TRPC5OS: variants seen among roughly 807,000 people sequenced by gnomAD.
TRPC5OS encodes the protein putative uncharacterized protein TRPC5OS.
For missense variants in TRPC5OS, 64 were observed against 79.3 expected (o/e 0.81, Z 0.73); for synonymous variants, 30 against 29.3 (o/e 1.02, Z -0.08).
intron 1 of TRPC5OS, among the ~76,000 whole-genome samples, chrX:111,887,475 G>A (rs1321993212): frequency 2.7e-5 from 3 of 112,093 alleles, no homozygotes; most frequent in Admixed American, 9.4e-5. Flanking sequence ...GAATCTGGAA[G>A]GTCTTTCCTC....
intron 1 of TRPC5OS, among the ~76,000 whole-genome samples, chrX:111,878,572 T>C (rs996502983): frequency 8.9e-6 from 1 of 111,873 alleles, no homozygotes; most frequent in African/African-American, 3.3e-5. Flanking sequence ...TGGAGACTGT[T>C]CTGTGTACTG....
At chrX:111,893,933 G>A (rs1924934463) in intron 1 of TRPC5OS, among the ~76,000 whole-genome samples, 1 of 111,711 alleles carries the variant, frequency 9.0e-6, no homozygotes. Flanking sequence ...GTGAACATTT[G>A]CCCTTTGTGG....
At chrX:111,876,441 G>A (rs190636804) in intron 1 of TRPC5OS, among the ~76,000 whole-genome samples, 168 bp downstream of exon 1, 5 of 111,478 alleles carry the variant, frequency 4.5e-5, no homozygotes, top group Admixed American at 9.5e-5. Context: ...TGGGCACGCC[G>A]TACCCCTTAT....
At chrX:111,885,544 T>C (rs1438349394) in intron 1 of TRPC5OS, among the ~76,000 whole-genome samples, 4 of 97,201 alleles carry the variant, frequency 4.1e-5, no homozygotes, top group Non-Finnish European at 8.8e-5. Flanking sequence ...ATCAAAGGGT[T>C]TTTTTTTTTT....
intron 3 of TRPC5OS, among the ~76,000 whole-genome samples, chrX:111,897,793 C>T (rs1925139940): frequency 9.0e-6 from 1 of 111,048 alleles, no homozygotes; most frequent in Non-Finnish European, 1.9e-5. Context: ...TTGATAGTTA[C>T]CTGAGCTCTT....
At chrX:111,888,722 A>G (rs184387863) in intron 1 of TRPC5OS, among the ~76,000 whole-genome samples, 6,335 of 98,372 alleles carry the variant, frequency 0.064, 976 homozygotes, top group African/African-American at 0.25. Context: ...AAAAAAAAGA[A>G]AGAAAAGAAA....
At chrX:111,888,911 T>C (rs1430532020) in intron 1 of TRPC5OS, among the ~76,000 whole-genome samples, 1 of 110,957 alleles carries the variant, frequency 9.0e-6, no homozygotes, top group Admixed American at 9.6e-5. Context: ...GTGGATTTTT[T>C]GGCCTGAGTA....
chrX:111,891,636 G>A (rs1297830483), intron 1 of TRPC5OS, among the ~76,000 whole-genome samples: 1 of 111,562 alleles, frequency 9.0e-6, no homozygotes, highest in Non-Finnish European at 1.9e-5. Flanking sequence ...CGCCTCCCGG[G>A]TTCAAGCGAT....
chrX:111,896,802 T>C, intron 3 of TRPC5OS, among the ~76,000 whole-genome samples: 1 of 112,079 alleles, frequency 8.9e-6, no homozygotes, highest in Non-Finnish European at 1.9e-5. Flanking sequence ...TGGGCTGACA[T>C]CCAGCTCTGC....
chrX:111,881,486 T>G (rs1338307178), intron 1 of TRPC5OS, among the ~76,000 whole-genome samples: 3 of 111,754 alleles, frequency 2.7e-5, no homozygotes, highest in Admixed American at 9.6e-5. Flanking sequence ...CGCTATGTTT[T>G]CAGTTTGTTA....
intron 1 of TRPC5OS, among the ~76,000 whole-genome samples, chrX:111,894,111 T>C (rs1222219963): frequency 1.8e-5 from 2 of 111,635 alleles, no homozygotes; most frequent in Non-Finnish European, 3.8e-5. Context: ...TAAATAGGAA[T>C]CTGGCACCCA....
At chrX:111,877,720 A>T (rs1201030227) in intron 1 of TRPC5OS, among the ~76,000 whole-genome samples, 1 of 111,467 alleles carries the variant, frequency 9.0e-6, no homozygotes, top group African/African-American at 3.3e-5. Flanking sequence ...GAGAAGGGAC[A>T]TAAATGAATG....
intron 1 of TRPC5OS, chrX:111,882,011 G>GGTAA (rs1377957472): frequency 9.1e-6 from 1 of 110,265 alleles, no homozygotes; most frequent in Non-Finnish European, 1.9e-5. Flanking sequence ...GTTGCAGTGT[G>GGTAA]GTAAGGTAGG....
intron 1 of TRPC5OS, 143 bp from the exon 2 acceptor site, chrX:111,895,808 C>T (rs182199688): frequency 1.7e-3 from 191 of 111,666 alleles, no homozygotes; most frequent in African/African-American, 5.8e-3. Context: ...TCAATTTGTT[C>T]TTCCTGAAGA....
intron 1 of TRPC5OS, among the ~76,000 whole-genome samples, chrX:111,886,685 G>A (rs1458847020): frequency 9.0e-6 from 1 of 111,539 alleles, no homozygotes; most frequent in Admixed American, 9.5e-5. Flanking sequence ...TGACATTCTG[G>A]AGGCCAAAGA....
At chrX:111,893,587 G>A (rs1214705975) in intron 1 of TRPC5OS, among the ~76,000 whole-genome samples, 3 of 112,307 alleles carry the variant, frequency 2.7e-5, no homozygotes, top group Non-Finnish European at 5.6e-5. Flanking sequence ...AAATTTGGAG[G>A]AGGAAAGAAA....
At chrX:111,884,207 T>A (rs1924364045) in intron 1 of TRPC5OS, among the ~76,000 whole-genome samples, 1 of 112,658 alleles carries the variant, frequency 8.9e-6, no homozygotes. Flanking sequence ...CTAACTGACT[T>A]GGTTAAGGTA....
At position 111,903,712 on chromosome X, in the gene TRPC5OS, G is replaced by C. The variant is rs1003403214; in HGVS notation, c.*1527G>C. The C allele has an allele frequency of 1.8e-5, 2 of 112,022 alleles. No individual in the cohort carries two copies. Among genetic ancestry groups the C allele is most frequent in the African/African-American group, 6.5e-5 (2 of 30,865 alleles). 9.2% of individuals were successfully genotyped at this position (112,022 alleles called of 1,213,427 possible). On this transcript the variant is annotated 3_prime_UTR_variant, in exon 4 of 4. Coordinates refer to ENST00000635763, the MANE Select transcript of TRPC5OS (RefSeq NM_001195578.2). ...AATTATTATATAGCATGGCAGAAAA[G>C]AGAGGGGCTCATCATTCTGAGACAA... is the stretch of plus-strand genomic sequence containing the variant.
intron 2 of TRPC5OS, 130 bp from the exon 3 acceptor site, chrX:111,896,277 G>A (rs1335142395): frequency 1.9e-5 from 2 of 107,036 alleles, no homozygotes; most frequent in African/African-American, 7.3e-5. Flanking sequence ...AAGGAAAAAA[G>A]CCCCTGATTG....
Sources: allele counts gnomAD v4.1 joint callset (sites outside exome capture counted in the v4.1 genomes callset), GRCh38; gene constraint gnomAD v4.1.1; transcripts MANE v1.5; gene names NCBI Gene and HGNC (gene_info 2026-07-23, HGNC 2026-07-21).